Variants in CABS1 observed in about 807,000 individuals in gnomAD.
CABS1 encodes calcium binding protein, spermatid associated 1.
For missense variants in CABS1, 500 were observed against 464.3 expected (o/e 1.08, Z -0.71); for synonymous variants, 195 against 169.0 (o/e 1.15, Z -1.19).
Position 70,335,921 on chromosome 4 carries a change from A to G in CABS1, c.882A>G (p.Gly294=). 9.9e-6 allele frequency: 16 copies of G among 1,613,628 alleles called. No homozygotes were observed. The highest frequency in any genetic ancestry group is 1.3e-5 in the Non-Finnish European group (15 of 1,179,714). ...TAACTGATGAAGAAACTACCGAGGG[A>G]GCCAGTATTTGGATGGAGAGAGATA... ...TLLTDEETTE[G]ASIWMERDTA... is the part of the protein sequence containing the mutation. The change falls in exon 1 of 2, where the codon GGA becomes GGG. Residue 294 remains glycine (G), a synonymous_variant. Coordinates refer to ENST00000273936, the MANE Select transcript of CABS1 (RefSeq NM_033122.4).
Position 70,336,017 on chromosome 4 carries a change from T to C in CABS1, c.978T>C (p.Pro326=). Residue 326 remains proline (P), a synonymous_variant, in exon 1 of 2, where the codon CCT becomes CCC. Transcript: ENST00000273936. Reference sequence around the variant, plus strand: ...AATCCAGATATGACTTCGTTGTCCCTGCATCAATAGCTACAAACCTAGTGG... The same window carrying C: ...AATCCAGATATGACTTCGTTGTCCCCGCATCAATAGCTACAAACCTAGTGG... ...AVESRYDFVV[P]ASIATNLVEE... is the part of the protein sequence containing the mutation. 6.2e-7 allele frequency: 1 copy of C among 1,613,522 alleles called. No individual in the cohort carries two copies. Among genetic ancestry groups the C allele is most frequent in the Non-Finnish European group, 8.5e-7 (1 of 1,179,660 alleles).
At position 70,337,072 on chromosome 4, in the gene CABS1, A is replaced by G. The variant is rs1176270666; in HGVS notation, c.*226A>G. The G allele has an allele frequency of 2.0e-5, 3 of 152,222 alleles. No homozygotes were observed. The highest frequency in any genetic ancestry group is 7.3e-5 in the African/African-American group (3 of 41,374). The allele number at this position is 152,222 out of a possible 1,614,324, so 9.4% of individuals were successfully genotyped here. The stretch of plus-strand genomic sequence containing the variant: ...AGACTACTTAAATGGGTCTGTTTTC[A>G]CTTTGCTCATTTTTCTTCAATAAAT... On this transcript the variant is annotated 3_prime_UTR_variant, in exon 2 of 2. Coordinates refer to ENST00000273936, the MANE Select transcript of CABS1 (RefSeq NM_033122.4).
chr4:70,336,411 A>C, intron 1 of CABS1, 65 bp downstream of exon 1: 1 of 811,178 alleles, frequency 1.2e-6, no homozygotes. Context: ...ATTTACGGAA[A>C]CTTAGAAAAA....
Position 70,335,353 on chromosome 4 carries a change from C to G in CABS1, c.314C>G (p.Ser105Cys). The change falls in exon 1 of 2, where the codon TCC (serine) becomes TGC (cysteine). Residue 105 changes from serine to cysteine, a missense_variant. Physicochemically the swap from Ser to Cys is moderately radical, Grantham distance 112. Coordinates refer to ENST00000273936, the MANE Select transcript of CABS1 (RefSeq NM_033122.4). ...ACCTCTCTGACTGGCACTACAAACT[C>G]CATAACAAGAGACTCTATTACCGAA... ...EITSLTGTTN[S>C]ITRDSITEHF... is the part of the protein sequence containing the mutation. 6.2e-7 allele frequency: 1 copy of G among 1,613,798 alleles called. No individual in the cohort carries two copies. The highest frequency in any genetic ancestry group is 8.5e-7 in the Non-Finnish European group (1 of 1,179,852).
rs1731716071 is a variant in CABS1, at chr4:70,335,895, C to A, written c.856C>A (p.Leu286Ile). 1 of 1,613,488 alleles carries A rather than the reference C, an allele frequency of 6.2e-7. No homozygotes were observed. Among genetic ancestry groups the A allele is most frequent in the African/African-American group, 1.3e-5 (1 of 74,870 alleles). Reference protein sequence around the residue: ...KDKDKREDTLLTDEETTEGAS... With the variant: ...KDKDKREDTLITDEETTEGAS... ...CAAAGATAAACGGGAAGATACTCTGCTAACTGATGAAGAAACTACCGAGGG... is the reference window on the plus strand; with the variant it reads ...CAAAGATAAACGGGAAGATACTCTGATAACTGATGAAGAAACTACCGAGGG... Residue 286 changes from leucine to isoleucine, a missense_variant, in exon 1 of 2, where the codon CTA (leucine) becomes ATA (isoleucine). Leu to Ile is a conservative substitution (Grantham distance 5). Transcript: ENST00000273936.
At position 70,337,064 on chromosome 4, in the gene CABS1, C is replaced by T. The variant is rs1731743868; in HGVS notation, c.*218C>T. On this transcript the variant is annotated 3_prime_UTR_variant, in exon 2 of 2. Transcript: ENST00000273936. ...TCTGGCACAGACTACTTAAATGGGTCTGTTTTCACTTTGCTCATTTTTCTT... is the reference window on the plus strand; with the variant it reads ...TCTGGCACAGACTACTTAAATGGGTTTGTTTTCACTTTGCTCATTTTTCTT... 6.6e-6 allele frequency: 1 copy of T among 152,238 alleles called. No individual in the cohort carries two copies. The highest frequency in any genetic ancestry group is 2.1e-4 in the South Asian group (1 of 4,822). 9.4% of individuals were successfully genotyped at this position (152,238 alleles called of 1,614,324 possible).
At position 70,335,143 on chromosome 4, in the gene CABS1, C is replaced by T. The variant is rs769838273; in HGVS notation, c.104C>T (p.Pro35Leu). The T allele has an allele frequency of 6.2e-7, 1 of 1,613,770 alleles. No individual in the cohort carries two copies. The highest frequency in any genetic ancestry group is 1.7e-5 in the Admixed American group (1 of 59,972). Residue 35 changes from proline to leucine, a missense_variant, in exon 1 of 2, where the codon CCC becomes CTC. Pro to Leu is a moderately conservative substitution (Grantham distance 98). Coordinates refer to ENST00000273936, the MANE Select transcript of CABS1 (RefSeq NM_033122.4). The stretch of plus-strand genomic sequence containing the variant: ...TTCTTTGGGGCTGACAATGCTATTC[C>T]CAAATCAGAAACAACTATTACTTCA... ...TIFFGADNAI[P>L]KSETTITSEG...
In CABS1 at chr4:70,336,166, C is replaced by T. The variant is rs1220148978; in HGVS notation, c.1127C>T (p.Ser376Phe). Reference protein sequence around the residue: ...LDTPDYKEDTSTTETDIFELL... With the variant: ...LDTPDYKEDTFTTETDIFELL... ...ACCCCAGACTATAAGGAAGACACCT[C>T]CACAACTGAAACGGATATCTTTGAA... Residue 376 changes from serine to phenylalanine, a missense_variant, in exon 1 of 2, where the codon TCC becomes TTC. Ser to Phe is a radical substitution (Grantham distance 155). Transcript: ENST00000273936. 1 of 1,612,956 alleles carries T rather than the reference C, an allele frequency of 6.2e-7. No homozygotes were observed. The highest frequency in any genetic ancestry group is 1.3e-5 in the African/African-American group (1 of 74,934).
chr4:70,335,655 C>CA lies in CABS1; in HGVS notation c.617dup (p.Val207GlyfsTer3). On this transcript the variant is annotated frameshift_variant, in exon 1 of 2. Coordinates refer to ENST00000273936, the MANE Select transcript of CABS1 (RefSeq NM_033122.4). LOFTEE classifies it low-confidence loss of function (END_TRUNC). ...CAATGTCCCTGCTGATGAGGCTGTC[C>CA]AGGTCACTGATTCCACTATTCCTGA... 1 of 1,613,506 alleles carries CA rather than the reference C, an allele frequency of 6.2e-7. No homozygotes were observed. Among genetic ancestry groups the CA allele is most frequent in the Middle Eastern group, 1.7e-4 (1 of 6,052 alleles).
Position 70,335,540 on chromosome 4 carries a change from G to A in CABS1, c.501G>A (p.Lys167=). Residue 167 remains lysine, a synonymous_variant, in exon 1 of 2, where the codon AAG becomes AAA. Coordinates refer to ENST00000273936, the MANE Select transcript of CABS1 (RefSeq NM_033122.4). ...SITSEVSGTL[K]DSSAGVADAP... is the part of the protein sequence containing the mutation. The stretch of plus-strand genomic sequence containing the variant: ...CCTCTGAAGTCTCTGGCACACTAAA[G>A]GACAGCAGTGCTGGTGTTGCTGACG... 1 of 1,613,664 alleles carries A rather than the reference G, an allele frequency of 6.2e-7. No homozygotes were observed. The highest frequency in any genetic ancestry group is 8.5e-7 in the Non-Finnish European group (1 of 1,179,802).
At position 70,335,720 on chromosome 4, in the gene CABS1, T is replaced by C; in HGVS notation, c.681T>C (p.Thr227=). 3 of 1,613,676 alleles carry C rather than the reference T, an allele frequency of 1.9e-6. No homozygotes were observed. The highest frequency in any genetic ancestry group is 1.7e-5 in the Admixed American group (1 of 59,970). ...CTGCTCCTGAAGAAAGCTTCACTAC[T>C]ATTCCAGACATAACTGCCCTTGAAG... ...IPPAPEESFT[T]IPDITALEEE... is the part of the protein sequence containing the mutation. Residue 227 remains threonine, a synonymous_variant, in exon 1 of 2, where the codon ACT becomes ACC. Transcript: ENST00000273936.
In CABS1 at chr4:70,336,020, A is replaced by G; in HGVS notation, c.981A>G (p.Ala327=). Residue 327 remains alanine (A), a synonymous_variant, in exon 1 of 2, where the codon GCA becomes GCG. Coordinates refer to ENST00000273936, the MANE Select transcript of CABS1 (RefSeq NM_033122.4). The part of the protein sequence containing the change: ...VESRYDFVVP[A]SIATNLVEES... Reference sequence around the variant, plus strand: ...CCAGATATGACTTCGTTGTCCCTGCATCAATAGCTACAAACCTAGTGGAAG... The same window carrying G: ...CCAGATATGACTTCGTTGTCCCTGCGTCAATAGCTACAAACCTAGTGGAAG... 1 of 1,613,504 alleles carries G rather than the reference A, an allele frequency of 6.2e-7. No individual in the cohort carries two copies. Among genetic ancestry groups the G allele is most frequent in the African/African-American group, 1.3e-5 (1 of 74,978 alleles).
chr4:70,335,594 A>G lies in CABS1; in HGVS notation c.555A>G (p.Glu185=). Reference sequence around the variant, plus strand: ...CTGCCTTTCCACGTAAAAAGGATGAAGCTGATATGAGCAATTATAATTCCT... The same window carrying G: ...CTGCCTTTCCACGTAAAAAGGATGAGGCTGATATGAGCAATTATAATTCCT... ...DAPAFPRKKD[E]ADMSNYNSSI... is the part of the protein sequence containing the mutation. Residue 185 remains glutamate, a synonymous_variant, in exon 1 of 2, where the codon GAA becomes GAG. Transcript: ENST00000273936. 2 of 1,613,592 alleles carry G rather than the reference A, an allele frequency of 1.2e-6. No homozygotes were observed. Among genetic ancestry groups the G allele is most frequent in the Non-Finnish European group, 1.7e-6 (2 of 1,179,742 alleles).
Position 70,336,161 on chromosome 4 carries a change from C to G in CABS1, c.1122C>G (p.Asp374Glu). The change falls in exon 1 of 2, where the codon GAC becomes GAG. Residue 374 changes from aspartate to glutamate, a missense_variant. By Grantham distance (45) the Asp-to-Glu change is conservative. Transcript: ENST00000273936. ...TAGATACCCCAGACTATAAGGAAGA[C>G]ACCTCCACAACTGAAACGGATATCT... ...SVLDTPDYKE[D>E]TSTTETDIFE... is the part of the protein sequence containing the mutation. 1 of 1,613,076 alleles carries G rather than the reference C, an allele frequency of 6.2e-7. No homozygotes were observed. Among genetic ancestry groups the G allele is most frequent in the Non-Finnish European group, 8.5e-7 (1 of 1,179,388 alleles).
rs1731729913 is a variant in CABS1 at position 70,336,294 on chromosome 4, A to C, written c.*67A>C. The C allele has an allele frequency of 1.3e-6, 2 of 1,496,266 alleles. No individual in the cohort carries two copies. The highest frequency in any genetic ancestry group is 2.9e-5 in the South Asian group (2 of 69,128). 92.7% of individuals were successfully genotyped at this position (1,496,266 alleles called of 1,614,324 possible). A position where few individuals can be genotyped will look rare whatever the true frequency, so the allele number is the denominator to read the frequency against. On this transcript the variant is annotated 3_prime_UTR_variant, in exon 1 of 2. Coordinates refer to ENST00000273936, the MANE Select transcript of CABS1 (RefSeq NM_033122.4). The stretch of plus-strand genomic sequence containing the variant: ...AGCCAGCTAGCCTTAACATCTAAGA[A>C]ATTTTTCCAACAAGCAAAAACCTTT...
rs1731730418 is a variant in CABS1, at chr4:70,336,316, C to T, written c.*89C>T. The T allele has an allele frequency of 6.8e-7, 1 of 1,462,410 alleles. No individual in the cohort carries two copies. The highest frequency in any genetic ancestry group is 9.0e-7 in the Non-Finnish European group (1 of 1,106,538). The allele number at this position is 1,462,410 out of a possible 1,614,324, so 90.6% of individuals were successfully genotyped here. On this transcript the variant is annotated 3_prime_UTR_variant, in exon 1 of 2. Transcript: ENST00000273936. ...AGAAATTTTTCCAACAAGCAAAAACCTTTAGAAATGAAAGAATGTGGGCAT... is the reference window on the plus strand; with the variant it reads ...AGAAATTTTTCCAACAAGCAAAAACTTTTAGAAATGAAAGAATGTGGGCAT...
chr4:70,335,043 G>A lies in CABS1; in HGVS notation c.4G>A (p.Ala2Thr). The change falls in exon 1 of 2, where the codon GCT becomes ACT. Residue 2 changes from alanine (A) to threonine (T), a missense_variant. Ala to Thr is a moderately conservative substitution (Grantham distance 58). Transcript: ENST00000273936. ...GTGCACAGTGCCACTTCGCCCCATGGCTGAAGATGGTTTGCCCAAAATTTA... is the reference window on the plus strand; with the variant it reads ...GTGCACAGTGCCACTTCGCCCCATGACTGAAGATGGTTTGCCCAAAATTTA... M[A>T]EDGLPKIYSH... 6.2e-7 allele frequency: 1 copy of A among 1,611,432 alleles called. No homozygotes were observed. The highest frequency in any genetic ancestry group is 8.5e-7 in the Non-Finnish European group (1 of 1,178,610).
chr4:70,336,214 A>G lies in CABS1; in HGVS notation c.1175A>G (p.Glu392Gly). The G allele has an allele frequency of 6.2e-7, 1 of 1,608,492 alleles. No individual in the cohort carries two copies. The highest frequency in any genetic ancestry group is 8.5e-7 in the Non-Finnish European group (1 of 1,177,628). Residue 392 changes from glutamate to glycine, a missense_variant, in exon 1 of 2, where the codon GAG becomes GGG. By Grantham distance (98) the Glu-to-Gly change is moderately conservative. Transcript: ENST00000273936. ...GAACTACTGAAAGAAGAACCCGATG[A>G]GTTCATGATTTAAAAGCAACAAAAG... is the stretch of plus-strand genomic sequence containing the variant. ...IFELLKEEPD[E>G]FMI
Position 70,335,528 on chromosome 4 carries a change from T to C in CABS1, c.489T>C (p.Ser163=), listed in dbSNP as rs1406470151. ...DAEISITSEV[S]GTLKDSSAGV... Reference sequence around the variant, plus strand: ...AGATCTCAATAACCTCTGAAGTCTCTGGCACACTAAAGGACAGCAGTGCTG... The same window carrying C: ...AGATCTCAATAACCTCTGAAGTCTCCGGCACACTAAAGGACAGCAGTGCTG... Residue 163 remains serine (S), a synonymous_variant, in exon 1 of 2, where the codon TCT becomes TCC. Transcript: ENST00000273936. 2.5e-6 allele frequency: 4 copies of C among 1,613,584 alleles called. No homozygotes were observed. In the East Asian group the frequency reaches 6.7e-5, roughly 27 times the overall value.
Sources: allele counts gnomAD v4.1 joint callset, GRCh38; gene constraint gnomAD v4.1.1; transcripts MANE v1.5; gene names NCBI Gene and HGNC (gene_info 2026-07-23, HGNC 2026-07-21).